Variants in TCF12 observed in about 807,000 individuals in gnomAD.
TCF12 encodes DNA-binding protein HTF4.
TCF12 carries 45 observed loss-of-function variants against 86.0 expected under a neutral mutation model. The observed-to-expected ratio is 0.52, with a 90% CI of 0.41 to 0.67. The LOEUF is 0.67. TCF12 is among the 30% of genes least tolerant of loss of function. The probability of loss-of-function intolerance (pLI) is 0.00; values close to 1 mark genes in which losing one functional copy is unlikely to be tolerated. For missense variants in TCF12, 881 were observed against 859.9 expected (o/e 1.02, Z -0.31); for synonymous variants, 330 against 299.6 (o/e 1.10, Z -1.05).
intron 18 of TCF12, among the ~76,000 whole-genome samples, chr15:57,268,323 T>G (rs547147897): frequency 1.3e-5 from 2 of 152,344 alleles, no homozygotes; most frequent in Admixed American, 1.3e-4. Flanking sequence ...AAGGACTTTT[T>G]GAAGTCAAAG....
At chr15:57,277,727 A>C (rs2061469456) in intron 19 of TCF12, among the ~76,000 whole-genome samples, 2 of 151,888 alleles carry the variant, frequency 1.3e-5, no homozygotes, top group Admixed American at 6.6e-5. Flanking sequence ...CCTTGAGCCC[A>C]GGAGATGACT....
intron 8 of TCF12, among the ~76,000 whole-genome samples, chr15:57,225,472 C>T (rs1160880051): frequency 2.0e-5 from 3 of 151,864 alleles, no homozygotes; most frequent in African/African-American, 7.3e-5. Context: ...GTCTCGACCT[C>T]CTGACCTCAT....
intron 5 of TCF12, among the ~76,000 whole-genome samples, chr15:57,160,405 A>G (rs1254730885): frequency 2.0e-5 from 3 of 152,208 alleles, no homozygotes; most frequent in Non-Finnish European, 2.9e-5. Flanking sequence ...AACCACCCCC[A>G]TGGTTCGATT....
chr15:56,932,674 T>C (rs1388141993), intron 3 of TCF12, among the ~76,000 whole-genome samples: 1 of 152,000 alleles, frequency 6.6e-6, no homozygotes, highest in Non-Finnish European at 1.5e-5. Flanking sequence ...GTTCAAGCGA[T>C]TTTTGTGCCT....
chr15:57,026,846 C>T (rs917726081), intron 3 of TCF12, among the ~76,000 whole-genome samples: 11 of 151,950 alleles, frequency 7.2e-5, no homozygotes, highest in South Asian at 2.1e-4. Context: ...TATAAAATGG[C>T]GTAGTATTTG....
chr15:57,257,478 T>A (rs1173140239), intron 16 of TCF12, among the ~76,000 whole-genome samples: 1 of 151,630 alleles, frequency 6.6e-6, no homozygotes, highest in East Asian at 1.9e-4. Context: ...GACAACAAAG[T>A]AAGAACCTGT....
At chr15:57,022,231 C>T (rs553538812) in intron 3 of TCF12, among the ~76,000 whole-genome samples, 9 of 152,082 alleles carry the variant, frequency 5.9e-5, no homozygotes, top group East Asian at 5.8e-4. Context: ...CCCCACCCCC[C>T]GATAGGTCCC....
intron 5 of TCF12, among the ~76,000 whole-genome samples, chr15:57,145,510 T>C (rs1567511868): frequency 6.6e-6 from 1 of 152,178 alleles, no homozygotes; most frequent in African/African-American, 2.4e-5. Flanking sequence ...GTACTAGGGA[T>C]CATTGATAAT....
intron 5 of TCF12, among the ~76,000 whole-genome samples, chr15:57,135,604 G>A (rs2052464253): frequency 6.6e-6 from 1 of 152,172 alleles, no homozygotes; most frequent in Non-Finnish European, 1.5e-5. Context: ...CCCTCTCTGA[G>A]ATGAATTGGA....
chr15:57,132,980 A>G (rs1029037745), intron 5 of TCF12, among the ~76,000 whole-genome samples: 7 of 152,222 alleles, frequency 4.6e-5, no homozygotes, highest in African/African-American at 1.7e-4. Flanking sequence ...CAGTGACTCT[A>G]CATTTAAATT....
At chr15:57,005,069 A>G (rs1207435262) in intron 3 of TCF12, among the ~76,000 whole-genome samples, 2 of 152,156 alleles carry the variant, frequency 1.3e-5, no homozygotes, top group Non-Finnish European at 2.9e-5. Context: ...CTCTACTACT[A>G]TTTTTAAGGA....
chr15:57,218,447 T>A (rs1229877756), intron 8 of TCF12, among the ~76,000 whole-genome samples: 2 of 152,206 alleles, frequency 1.3e-5, no homozygotes, highest in African/African-American at 4.8e-5. Flanking sequence ...TAGACAACTT[T>A]TAAAACCTTT....
chr15:56,939,308 T>C (rs1305829121), intron 3 of TCF12, among the ~76,000 whole-genome samples: 1 of 152,156 alleles, frequency 6.6e-6, no homozygotes, highest in East Asian at 1.9e-4. Flanking sequence ...TTTTAACCAC[T>C]GAAGACAGAG....
chr15:57,211,924 A>C (rs996238402), intron 8 of TCF12, among the ~76,000 whole-genome samples: 5 of 152,008 alleles, frequency 3.3e-5, no homozygotes, highest in Non-Finnish European at 5.9e-5. Context: ...AGTGCACTCC[A>C]GCCTGGGCAA....
chr15:57,122,092 C>T (rs2051276421), intron 5 of TCF12, among the ~76,000 whole-genome samples: 2 of 133,830 alleles, frequency 1.5e-5, no homozygotes, highest in Admixed American at 8.0e-5. Context: ...TCCTTGTTTC[C>T]TTGTACAAAA....
intron 3 of TCF12, among the ~76,000 whole-genome samples, chr15:57,059,450 G>A (rs1307430380): frequency 6.6e-6 from 1 of 151,824 alleles, no homozygotes; most frequent in Non-Finnish European, 1.5e-5. Flanking sequence ...TCTTTCTTGG[G>A]TCATCAGACT....
intron 5 of TCF12, among the ~76,000 whole-genome samples, chr15:57,113,246 G>A (rs572675067): frequency 1.3e-5 from 2 of 152,156 alleles, no homozygotes; most frequent in East Asian, 1.9e-4. Flanking sequence ...CTTCTTATCC[G>A]TCAAGGATTA....
intron 5 of TCF12, among the ~76,000 whole-genome samples, chr15:57,096,915 C>G (rs925582120): frequency 5.3e-5 from 8 of 152,094 alleles, no homozygotes; most frequent in African/African-American, 1.9e-4. Context: ...GACCAAGTGT[C>G]TTCCCATTGC....
At chr15:56,980,469 T>C (rs2062838000) in intron 3 of TCF12, among the ~76,000 whole-genome samples, 1 of 152,166 alleles carries the variant, frequency 6.6e-6, no homozygotes, top group Non-Finnish European at 1.5e-5. Flanking sequence ...CCACAATACA[T>C]TGAGGCTGCT....
Sources: allele counts gnomAD v4.1 joint callset (sites outside exome capture counted in the v4.1 genomes callset), GRCh38; gene constraint gnomAD v4.1.1; transcripts MANE v1.5; gene names NCBI Gene and HGNC (gene_info 2026-07-23, HGNC 2026-07-21).